Variants in DTL observed in about 807,000 individuals in gnomAD.
DTL encodes the protein denticleless protein homolog.
Under a neutral mutation model 87.0 loss-of-function variants are expected in DTL, and 46 were observed. The ratio of observed to expected loss-of-function variants is 0.53; its 90% CI spans 0.42 to 0.68. The LOEUF (loss-of-function observed/expected upper bound fraction) is 0.68. Ranked by LOEUF, DTL falls within the 30% of genes least tolerant of loss-of-function variation. The pLI, the probability that DTL is intolerant of heterozygous loss-of-function variation, is 0.00. For synonymous variants in DTL, 308 were observed against 311.2 expected (o/e 0.99, Z 0.11); for missense variants, 737 against 869.4 (o/e 0.85, Z 1.91).
At chr1:212,046,691 T>TGATG (rs1438496246) in intron 3 of DTL, among the ~76,000 whole-genome samples, 3 of 152,246 alleles carry the variant, frequency 2.0e-5, no homozygotes, top group African/African-American at 7.2e-5. Flanking sequence ...AATCTATCAT[T>TGATG]GATGGGCATT....
In DTL at chr1:212,068,666, C is replaced by T. The variant is rs1342306990; in HGVS notation, c.885C>T (p.Ile295=). ...TTGCTAATTGCACAGACGATAACATCTACATGTTTAATATGACTGGGTTGA... is the reference window on the plus strand; with the variant it reads ...TTGCTAATTGCACAGACGATAACATTTACATGTTTAATATGACTGGGTTGA... ...TLFANCTDDN[I]YMFNMTGLKT... Residue 295 remains isoleucine (I), a synonymous_variant, in exon 10 of 15, where the codon ATC becomes ATT. Transcript: ENST00000366991. 1.2e-6 allele frequency: 2 copies of T among 1,612,356 alleles called. No individual in the cohort carries two copies. The highest frequency in any genetic ancestry group is 2.2e-5 in the East Asian group (1 of 44,792).
intron 13 of DTL, among the ~76,000 whole-genome samples, chr1:212,098,211 A>G (rs1655505860): frequency 6.9e-6 from 1 of 144,788 alleles, no homozygotes; most frequent in South Asian, 2.3e-4. Flanking sequence ...TAGTTATACT[A>G]GCACTGAAGT....
At chr1:212,051,739 T>G in intron 5 of DTL, 1 of 1,089,784 alleles carries the variant, frequency 9.2e-7, no homozygotes, top group Non-Finnish European at 1.4e-6. Flanking sequence ...ATACGCACAT[T>G]AATTCTCTTG....
chr1:212,040,212 T>C (rs1667595619), intron 1 of DTL, among the ~76,000 whole-genome samples: 1 of 152,228 alleles, frequency 6.6e-6, no homozygotes, highest in Non-Finnish European at 1.5e-5. Context: ...TTCAAACCTT[T>C]TGTTAAAAAC....
chr1:212,101,822 T>A (rs1325433186), intron 14 of DTL, among the ~76,000 whole-genome samples: 2 of 152,230 alleles, frequency 1.3e-5, no homozygotes, highest in Admixed American at 6.5e-5. Flanking sequence ...TTTGTGAACC[T>A]TGAAAAACAA....
intron 6 of DTL, 64 bp downstream of exon 6, chr1:212,063,013 A>C: frequency 1.6e-6 from 2 of 1,274,156 alleles, no homozygotes; most frequent in Non-Finnish European, 2.3e-6. Flanking sequence ...TTTGAGTGAA[A>C]GAGTTAGTGA....
chr1:212,088,687 C>T (rs1314694041), intron 13 of DTL, among the ~76,000 whole-genome samples: 1 of 152,246 alleles, frequency 6.6e-6, no homozygotes, highest in Non-Finnish European at 1.5e-5. Context: ...TGACAGTACA[C>T]AGCTTGTTCA....
At chr1:212,037,998 C>T (rs1048020986) in intron 1 of DTL, among the ~76,000 whole-genome samples, 4 of 152,296 alleles carry the variant, frequency 2.6e-5, no homozygotes, top group Non-Finnish European at 4.4e-5. Flanking sequence ...TGTGGGTGCC[C>T]GGAGCCTATC....
chr1:212,035,808 G>C lies in DTL; in HGVS notation c.-83G>C. On this transcript the variant is annotated 5_prime_UTR_variant, in exon 1 of 15. Transcript: ENST00000366991. ...TGGAGGCGATAACGATTTGTGTTGT[G>C]AGAGGCGCAAGCTGCGATTTCTGCT... The C allele has an allele frequency of 7.3e-7, 1 of 1,375,550 alleles. No individual in the cohort carries two copies. The allele number at this position is 1,375,550 out of a possible 1,614,324, so 85.2% of individuals were successfully genotyped here.
At chr1:212,057,888 A>T (rs1312638420) in intron 5 of DTL, among the ~76,000 whole-genome samples, 1 of 152,216 alleles carries the variant, frequency 6.6e-6, no homozygotes, top group African/African-American at 2.4e-5. Flanking sequence ...ATGTAAAAAG[A>T]TACTACATGC....
At position 212,047,341 on chromosome 1, in the gene DTL, A is replaced by G. The variant is rs1165551821; in HGVS notation, c.384A>G (p.Lys128=). The change falls in exon 5 of 15, where the codon AAA becomes AAG. Residue 128 remains lysine, a synonymous_variant. Transcript: ENST00000366991. ...AAACAGCCAAATTTTGGGACGTAAA[A>G]GCTGGTGAGCTGATTGGAACATGCA... The part of the protein sequence containing the change: ...GDQTAKFWDV[K]AGELIGTCKG... The G allele has an allele frequency of 1.2e-6, 2 of 1,614,112 alleles. No homozygotes were observed. Among genetic ancestry groups the G allele is most frequent in the Admixed American group, 3.3e-5 (2 of 60,008 alleles).
intron 3 of DTL, among the ~76,000 whole-genome samples, chr1:212,045,922 G>T (rs1667795180): frequency 7.6e-6 from 1 of 131,084 alleles, no homozygotes; most frequent in Non-Finnish European, 1.7e-5. Flanking sequence ...TTTGTTTTTG[G>T]TTTTGTTGTT....
chr1:212,100,127 G>A (rs941243241), intron 13 of DTL, 125 bp from the exon 14 acceptor site: 7 of 648,332 alleles, frequency 1.1e-5, no homozygotes, highest in Middle Eastern at 2.5e-4. Context: ...ATCAAGTGAT[G>A]TATACCTACT....
At chr1:212,101,181 A>G (rs1474136590) in intron 14 of DTL, 97 bp downstream of exon 14, 7 of 916,714 alleles carry the variant, frequency 7.6e-6, no homozygotes, top group Non-Finnish European at 1.1e-5. Context: ...TTTTTAAAGA[A>G]AGAAATCTAT....
chr1:212,050,361 C>T (rs1405411342), intron 5 of DTL, among the ~76,000 whole-genome samples: 1 of 152,078 alleles, frequency 6.6e-6, no homozygotes, highest in East Asian at 1.9e-4. Context: ...TTTGCCTTCC[C>T]TAAGTATCTA....
intron 5 of DTL, among the ~76,000 whole-genome samples, chr1:212,052,855 C>T (rs1668038725): frequency 6.6e-6 from 1 of 151,742 alleles, no homozygotes; most frequent in African/African-American, 2.4e-5. Flanking sequence ...CCATAAAATT[C>T]ATCCATTTAA....
intron 13 of DTL, among the ~76,000 whole-genome samples, chr1:212,084,650 C>A (rs1655077931): frequency 6.6e-6 from 1 of 152,164 alleles, no homozygotes; most frequent in Admixed American, 6.5e-5. Context: ...ATATGTATGT[C>A]TAGACCTCTA....
intron 9 of DTL, 31 bp downstream of exon 9, chr1:212,068,358 T>G: frequency 1.5e-6 from 2 of 1,352,018 alleles, no homozygotes; most frequent in Non-Finnish European, 1.0e-6. Context: ...TTGGGGGAGA[T>G]AAGAGTTTTT....
intron 1 of DTL, among the ~76,000 whole-genome samples, chr1:212,040,158 T>C (rs1037746555): frequency 1.3e-5 from 2 of 152,216 alleles, no homozygotes; most frequent in African/African-American, 4.8e-5. Flanking sequence ...CATATTCTTA[T>C]TCTATAAGTT....
Sources: gnomAD v4.1 joint callset for allele counts (sites outside exome capture counted in the v4.1 genomes callset) on GRCh38, gnomAD v4.1.1 for gene constraint, MANE v1.5 for transcripts, NCBI Gene and HGNC (gene_info 2026-07-23, HGNC 2026-07-21) for gene names.